Variants in PDE4D observed in about 807,000 individuals in gnomAD.
The protein encoded by PDE4D is 3',5'-cyclic-AMP phosphodiesterase 4D.
PDE4D carries 24 observed loss-of-function variants against 87.4 expected under a neutral mutation model. The observed-to-expected ratio is 0.27, with a 90% CI of 0.20 to 0.39. The LOEUF (loss-of-function observed/expected upper bound fraction) is 0.39. Among genes scored for constraint, PDE4D ranks in the 10% least tolerant of loss-of-function variants. The probability of loss-of-function intolerance (pLI) is 1.00; values close to 1 mark genes in which losing one functional copy is unlikely to be tolerated. For missense variants in PDE4D, 714 were observed against 1,041.0 expected, an observed-to-expected ratio of 0.69 and a Z score of 4.32; for synonymous variants, 384 against 383.2, an observed-to-expected ratio of 1.00 and a Z score of -0.02.
chr5:59,425,895 T>C (rs1174207095), intron 1 of PDE4D, among the ~76,000 whole-genome samples: 2 of 152,226 alleles, frequency 1.3e-5, no homozygotes, highest in Non-Finnish European at 2.9e-5. Flanking sequence ...GGCTGAATTG[T>C]GTCTACCCCA....
intron 1 of PDE4D, among the ~76,000 whole-genome samples, chr5:60,264,254 A>G (rs111593925): frequency 1.3e-5 from 2 of 152,188 alleles, no homozygotes; most frequent in South Asian, 4.1e-4. Context: ...GTTCATGAAA[A>G]TAAAGGGAAA....
chr5:59,184,235 T>C (rs559678854), intron 4 of PDE4D, among the ~76,000 whole-genome samples: 1 of 152,308 alleles, frequency 6.6e-6, no homozygotes, highest in South Asian at 2.1e-4. Context: ...TCCATTCCAA[T>C]AGCTTGCATT....
At chr5:60,372,794 T>A (rs905288331) in intron 1 of PDE4D, 1 of 152,244 alleles carries the variant, frequency 6.6e-6, no homozygotes, top group South Asian at 2.1e-4. Context: ...TTAAAATTGT[T>A]GTGAGACTTA....
At chr5:60,415,523 C>T (rs1030909468) in intron 1 of PDE4D, among the ~76,000 whole-genome samples, 2 of 152,222 alleles carry the variant, frequency 1.3e-5, no homozygotes, top group Admixed American at 1.3e-4. Flanking sequence ...TTCCGGTGGG[C>T]GTGGGCTTGG....
chr5:60,515,724 G>C (rs1450055231), intron 1 of PDE4D, among the ~76,000 whole-genome samples: 1 of 150,886 alleles, frequency 6.6e-6, no homozygotes, highest in Admixed American at 6.6e-5. Context: ...AACTCAAGAG[G>C]CACCCACTGG....
At chr5:60,131,709 T>C (rs1779598299) in intron 2 of PDE4D, among the ~76,000 whole-genome samples, 2 of 152,190 alleles carry the variant, frequency 1.3e-5, no homozygotes, top group Non-Finnish European at 2.9e-5. Flanking sequence ...CCAGCCAAAA[T>C]GGCTGACTAG....
intron 1 of PDE4D, among the ~76,000 whole-genome samples, chr5:60,405,682 G>C (rs898833648): frequency 6.6e-6 from 1 of 152,174 alleles, no homozygotes; most frequent in African/African-American, 2.4e-5. Flanking sequence ...TATTTGAAAA[G>C]GAATATTTGC....
At chr5:59,790,178 C>T (rs907136178) in intron 1 of PDE4D, among the ~76,000 whole-genome samples, 1 of 152,160 alleles carries the variant, frequency 6.6e-6, no homozygotes. Flanking sequence ...GGTTAAAACA[C>T]AGCTCTGTCA....
intron 1 of PDE4D, among the ~76,000 whole-genome samples, chr5:59,340,444 T>C (rs1778522204): frequency 6.6e-6 from 1 of 152,216 alleles, no homozygotes; most frequent in Admixed American, 6.5e-5. Flanking sequence ...GTACATGAGA[T>C]ATTTTGATAT....
chr5:59,512,283 TGAA>T (rs1810413039), intron 1 of PDE4D, among the ~76,000 whole-genome samples: 1 of 152,174 alleles, frequency 6.6e-6, no homozygotes, highest in African/African-American at 2.4e-5. Context: ...CCAAGTGACA[TGAA>T]GATATTTTCT....
At chr5:59,335,036 A>AT (rs1777427016) in intron 1 of PDE4D, among the ~76,000 whole-genome samples, 1 of 152,082 alleles carries the variant, frequency 6.6e-6, no homozygotes, top group Non-Finnish European at 1.5e-5. Context: ...CATCCATCAT[A>AT]TTAATTGGTT....
chr5:60,278,754 T>C (rs952347881), intron 1 of PDE4D, among the ~76,000 whole-genome samples: 22 of 152,164 alleles, frequency 1.4e-4, no homozygotes, highest in Admixed American at 2.6e-4. Flanking sequence ...CTTTTATTTC[T>C]TTGCTGAGGG....
chr5:60,284,701 C>G (rs1350628672), intron 1 of PDE4D, among the ~76,000 whole-genome samples: 3 of 152,052 alleles, frequency 2.0e-5, no homozygotes, highest in Admixed American at 1.3e-4. Context: ...CCTTTCATCC[C>G]CACTTTAAAA....
chr5:58,972,408 G>C lies in PDE4D; in HGVS notation c.*2256C>G, dbSNP rs1742768927. 6.6e-6 allele frequency: 1 copy of C among 152,516 alleles called. No individual in the cohort carries two copies. The allele number at this position is 152,516 out of a possible 1,614,324, so 9.4% of individuals were successfully genotyped here. A position where few individuals can be genotyped will look rare whatever the true frequency, so the allele number is the denominator to read the frequency against. On this transcript the variant is annotated 3_prime_UTR_variant, in exon 15 of 15. Coordinates refer to ENST00000340635, the MANE Select transcript of PDE4D (RefSeq NM_001104631.2). Reference sequence around the variant, plus strand: ...CTCTTCTGCTTTATGTAAAAGATCAGAGTTATAAAGACATAATTTTTATTT... The same window carrying C: ...CTCTTCTGCTTTATGTAAAAGATCACAGTTATAAAGACATAATTTTTATTT...
At chr5:59,164,420 C>G (rs1386450979) in intron 5 of PDE4D, among the ~76,000 whole-genome samples, 1 of 152,152 alleles carries the variant, frequency 6.6e-6, no homozygotes, top group Non-Finnish European at 1.5e-5. Context: ...TTAGTTCCTA[C>G]TATGCGTCAG....
At chr5:60,081,945 G>A (rs1774009297) in intron 2 of PDE4D, among the ~76,000 whole-genome samples, 1 of 152,080 alleles carries the variant, frequency 6.6e-6, no homozygotes, top group African/African-American at 2.4e-5. Flanking sequence ...AAATTCATCA[G>A]GATCATAGGC....
chr5:59,771,600 G>A (rs1293644638), intron 1 of PDE4D, among the ~76,000 whole-genome samples: 3 of 151,850 alleles, frequency 2.0e-5, no homozygotes, highest in Admixed American at 6.6e-5. Flanking sequence ...TGAATGCAAG[G>A]GACTCTGGGT....
intron 1 of PDE4D, among the ~76,000 whole-genome samples, chr5:59,745,992 A>G (rs1759550301): frequency 1.3e-5 from 2 of 152,216 alleles, no homozygotes; most frequent in Non-Finnish European, 2.9e-5. Context: ...ATCATCTTGT[A>G]AAAGTATTTC....
At chr5:60,411,214 A>G (rs189006783) in intron 1 of PDE4D, among the ~76,000 whole-genome samples, 58 of 152,358 alleles carry the variant, frequency 3.8e-4, no homozygotes, top group African/African-American at 1.4e-3. Context: ...TTGCTGATAA[A>G]AAGGATAACT....
Sources: gnomAD v4.1 joint callset for allele counts (sites outside exome capture counted in the v4.1 genomes callset) on GRCh38, gnomAD v4.1.1 for gene constraint, MANE v1.5 for transcripts, NCBI Gene and HGNC (gene_info 2026-07-23, HGNC 2026-07-21) for gene names.